Variants in CCAR1 observed in about 807,000 individuals in gnomAD.
CCAR1 encodes the protein cell division cycle and apoptosis regulator protein 1.
Under a neutral mutation model 163.8 loss-of-function variants are expected in CCAR1, and 78 were observed. The ratio of observed to expected loss-of-function variants is 0.48; its 90% CI spans 0.40 to 0.57. The LOEUF (loss-of-function observed/expected upper bound fraction) is 0.57. Among genes scored for constraint, CCAR1 ranks in the 20% least tolerant of loss-of-function variants. The pLI, the probability that CCAR1 is intolerant of heterozygous loss-of-function variation, is 0.00. For missense variants in CCAR1, 1,019 were observed against 1,365.2 expected, an observed-to-expected ratio of 0.75 and a Z score of 4.00; for synonymous variants, 443 against 460.7, an observed-to-expected ratio of 0.96 and a Z score of 0.49.
chr10:68,762,928 C>T (rs1414730059), intron 16 of CCAR1, among the ~76,000 whole-genome samples: 1 of 151,726 alleles, frequency 6.6e-6, no homozygotes, highest in Non-Finnish European at 1.5e-5. Flanking sequence ...CTGACTAGAT[C>T]CTGGATAGGC....
rs576354779 is a variant in CCAR1, at chr10:68,768,250, G to A, written c.2298+2171G>A. On this transcript the variant is annotated intron_variant, in intron 17 of 24. Coordinates refer to ENST00000265872, the MANE Select transcript of CCAR1 (RefSeq NM_018237.4). ...AGTTGTTGGGATTTTTTTTTCCAATGTTAATTATTCCAATAAGCAGATGTC... is the reference window on the plus strand; with the variant it reads ...AGTTGTTGGGATTTTTTTTTCCAATATTAATTATTCCAATAAGCAGATGTC... 4.6e-5 allele frequency among the ~76,000 whole-genome samples: 7 copies of A among 151,822 alleles called. No individual in the cohort carries two copies. In the East Asian group the frequency reaches 1.4e-3, roughly 29 times the overall value.
At chr10:68,784,958 C>T (rs2056779453) in intron 19 of CCAR1, among the ~76,000 whole-genome samples, 1 of 146,814 alleles carries the variant, frequency 6.8e-6, no homozygotes, top group African/African-American at 2.5e-5. Flanking sequence ...CGCTCTGTCA[C>T]CCCGGCTGGA....
At chr10:68,747,717 A>G (rs2056275632) in intron 8 of CCAR1, 151 bp downstream of exon 8, 1 of 592,184 alleles carries the variant, frequency 1.7e-6, no homozygotes. Context: ...AGCTATGTGG[A>G]AGTATTTTTT....
At position 68,792,315 on chromosome 10, in the gene CCAR1, G is replaced by C. The variant is rs1289725305; in HGVS notation, c.*1049G>C. The C allele has an allele frequency of 6.6e-6, 1 of 152,114 alleles. No individual in the cohort carries two copies. The highest frequency in any genetic ancestry group is 1.5e-5 in the Non-Finnish European group (1 of 68,030). The allele number at this position is 152,114 out of a possible 1,614,324, so 9.4% of individuals were successfully genotyped here. ...AAATTTACAGTTTAGTACCAAGCCA[G>C]TAGATGTCAGTATGATGCCTTAAAT... On this transcript the variant is annotated 3_prime_UTR_variant, in exon 25 of 25. Transcript: ENST00000265872.
chr10:68,754,125 C>A, intron 11 of CCAR1, 48 bp downstream of exon 11: 1 of 1,291,450 alleles, frequency 7.7e-7, no homozygotes. Flanking sequence ...AGCAGTTATT[C>A]ATAATAAAAG....
intron 15 of CCAR1, 165 bp from the exon 16 acceptor site, chr10:68,760,842 C>G: frequency 2.3e-6 from 1 of 437,826 alleles, no homozygotes; most frequent in Non-Finnish European, 4.1e-6. Flanking sequence ...CCAGCCTGGG[C>G]GACAGAGTTT....
In CCAR1 at chr10:68,748,985, ATT is replaced by A. The variant is rs1295577951; in HGVS notation, c.827-150_827-149del. On this transcript the variant is annotated intron_variant, in intron 8 of 24. Coordinates refer to ENST00000265872, the MANE Select transcript of CCAR1 (RefSeq NM_018237.4). ...GAGCCACCGCAGCCGGCCAGTACCT[ATT>A]CTTTAAAAATATATATAAATTAGGC... 4.7e-6 allele frequency: 4 copies of A among 857,038 alleles called. No individual in the cohort carries two copies. In the African/African-American group the frequency reaches 6.9e-5, roughly 15 times the overall value. The allele number at this position is 857,038 out of a possible 1,614,324, so 53.1% of individuals were successfully genotyped here.
At position 68,749,481 on chromosome 10, in the gene CCAR1, T is replaced by G. The variant is rs750842330; in HGVS notation, c.957-43T>G. ...TTTACTTCATTGAAGAGCTTTTCCA[T>G]AATATTAGAAATATTAGTAATTTTA... On this transcript the variant is annotated intron_variant, in intron 9 of 24. Transcript: ENST00000265872. 13 of 1,516,022 alleles carry G rather than the reference T, an allele frequency of 8.6e-6. No homozygotes were observed. In the East Asian group the frequency reaches 2.9e-4, roughly 34 times the overall value. 93.9% of individuals were successfully genotyped at this position (1,516,022 alleles called of 1,614,324 possible).
chr10:68,738,040 A>G, intron 4 of CCAR1, 151 bp downstream of exon 4: 1 of 562,286 alleles, frequency 1.8e-6, no homozygotes, highest in Non-Finnish European at 3.1e-6. Flanking sequence ...GGAAAAAAGG[A>G]ACGTCTCCAA....
intron 11 of CCAR1, 46 bp from the exon 12 acceptor site, chr10:68,754,668 C>A: frequency 1.0e-6 from 1 of 955,416 alleles, no homozygotes; most frequent in South Asian, 1.5e-5. Flanking sequence ...CATTTTTTCA[C>A]ATTACTTTAG....
intron 2 of CCAR1, among the ~76,000 whole-genome samples, chr10:68,727,737 G>A (rs917341611): frequency 5.3e-5 from 8 of 152,158 alleles, no homozygotes; most frequent in African/African-American, 1.9e-4. Flanking sequence ...GTAAAGAGAC[G>A]TTGAGAGAAA....
At chr10:68,747,351 A>G (rs1447288721) in intron 7 of CCAR1, 23 bp from the exon 8 acceptor site, 14 of 1,599,536 alleles carry the variant, frequency 8.8e-6, no homozygotes, top group Non-Finnish European at 1.2e-5. Flanking sequence ...TTTTTTTCTT[A>G]TTCTTTCATT....
chr10:68,767,786 T>C (rs531688773), intron 17 of CCAR1, among the ~76,000 whole-genome samples: 1 of 152,364 alleles, frequency 6.6e-6, no homozygotes, highest in South Asian at 2.1e-4. Context: ...CCCAAAGTGC[T>C]GGGATTATAG....
intron 17 of CCAR1, among the ~76,000 whole-genome samples, chr10:68,766,535 T>A (rs1162406883): frequency 6.6e-6 from 1 of 151,192 alleles, no homozygotes; most frequent in East Asian, 2.0e-4. Context: ...TCTTTCATTC[T>A]TTCTTTTTTG....
Position 68,755,550 on chromosome 10 carries a change from C to A in CCAR1, c.1625+14C>A, listed in dbSNP as rs749097638. On this transcript the variant is annotated intron_variant, in intron 13 of 24. Transcript: ENST00000265872. Reference sequence around the variant, plus strand: ...GTGCACACAATGGTAAGTACTAATTCATTTCTTGATTAGAAGTGTTTTACT... The same window carrying A: ...GTGCACACAATGGTAAGTACTAATTAATTTCTTGATTAGAAGTGTTTTACT... 1.3e-6 allele frequency: 2 copies of A among 1,597,634 alleles called. No homozygotes were observed. Among genetic ancestry groups the A allele is most frequent in the South Asian group, 2.2e-5 (2 of 89,146 alleles).
chr10:68,724,892 A>G (rs1199522585), intron 2 of CCAR1, among the ~76,000 whole-genome samples: 1 of 152,236 alleles, frequency 6.6e-6, no homozygotes, highest in Non-Finnish European at 1.5e-5. Flanking sequence ...TAATCCCAGC[A>G]CTTTGGGAGG....
chr10:68,771,428 G>A lies in CCAR1; in HGVS notation c.2521G>A (p.Asp841Asn), dbSNP rs745919284. The part of the protein sequence containing the change: ...KSGDDKDKKE[D>N]RDERKKEDKR... ...AGGCGATGATAAAGATAAAAAAGAA[G>A]ATAGAGATGAAAGGAAGGTCTGTAA... Residue 841 changes from aspartate (D) to asparagine (N), a missense_variant, in exon 18 of 25, where the codon GAT becomes AAT. Physicochemically the swap from Asp to Asn is conservative, Grantham distance 23 (BLOSUM62 1). Around this residue, in one of 4 missense-constraint regions of CCAR1, gnomAD observed 358 missense variants for 406.4 expected, o/e 0.88. Coordinates refer to ENST00000265872, the MANE Select transcript of CCAR1 (RefSeq NM_018237.4). The A allele has an allele frequency of 1.8e-5, 29 of 1,582,810 alleles. No individual in the cohort carries two copies. The Admixed American group carries it at 5.3e-4, about 29-fold the overall frequency.
intron 3 of CCAR1, 45 bp from the exon 4 acceptor site, chr10:68,737,800 T>C (rs2056131325): frequency 5.5e-6 from 6 of 1,094,898 alleles, no homozygotes; most frequent in South Asian, 4.2e-5. Context: ...TGAATAAATT[T>C]AGTGTCTGTA....
At chr10:68,764,002 G>A (rs2056506378) in intron 16 of CCAR1, among the ~76,000 whole-genome samples, 1 of 152,160 alleles carries the variant, frequency 6.6e-6, no homozygotes, top group Non-Finnish European at 1.5e-5. Context: ...CAATTAGGTT[G>A]CTGCTCCCAA....
Sources: gnomAD v4.1 joint callset for allele counts (sites outside exome capture counted in the v4.1 genomes callset) on GRCh38, gnomAD v4.1.1 for gene constraint, gnomAD v4.1.1 regional missense constraint, MANE v1.5 for transcripts, NCBI Gene and HGNC (gene_info 2026-07-23, HGNC 2026-07-21) for gene names.